SPEN: variants seen among roughly 807,000 people sequenced by gnomAD.
SPEN encodes msx2-interacting protein.
A neutral mutation model predicts 269.9 loss-of-function variants in SPEN; 18 were observed. The observed-to-expected ratio is 0.07, with a 90% CI of 0.05 to 0.10. The LOEUF (loss-of-function observed/expected upper bound fraction) is 0.10, where lower values mean the gene tolerates loss of function less well. Ranked by LOEUF, SPEN falls within the 10% of genes least tolerant of loss-of-function variation. SPEN has a pLI of 1.00. For synonymous variants in SPEN, 1,726 were observed against 1,765.7 expected, an observed-to-expected ratio of 0.98 and a Z score of 0.56; for missense variants, 3,822 against 4,631.2, an observed-to-expected ratio of 0.83 and a Z score of 5.07.
intron 3 of SPEN, among the ~76,000 whole-genome samples, chr1:15,896,630 G>A (rs1358185391): frequency 6.6e-6 from 1 of 152,154 alleles, no homozygotes; most frequent in Admixed American, 6.5e-5. Context: ...AATATTCAGA[G>A]GTGAAGTCTA....
chr1:15,932,350 C>T lies in SPEN; in HGVS notation c.6110C>T (p.Ala2037Val), dbSNP rs552953981. The change falls in exon 11 of 15, where the codon GCA becomes GTA. Residue 2037 changes from alanine (A) to valine (V), a missense_variant. Coordinates refer to ENST00000375759, the MANE Select transcript of SPEN (RefSeq NM_015001.3). The surrounding 1 kb of genome is among the most constrained non-coding windows in gnomAD (Gnocchi z 4.2). ...GAACCCAAGGCTGCTGAGGAGGAGG[C>T]AGGGAGTGAACAGAAACGTGACAGA... ...SMEPKAAEEE[A>V]GSEQKRDRKD... 1.9e-6 allele frequency: 3 copies of T among 1,613,902 alleles called. No homozygotes were observed. The highest frequency in any genetic ancestry group is 2.5e-6 in the Non-Finnish European group (3 of 1,180,028).
In SPEN at chr1:15,848,203, C is replaced by T. The variant is rs1286672003; in HGVS notation, c.83+53C>T. On this transcript the variant is annotated intron_variant, in intron 1 of 14. Coordinates refer to ENST00000375759, the MANE Select transcript of SPEN (RefSeq NM_015001.3). The surrounding 1 kb of genome is among the most constrained non-coding windows in gnomAD (Gnocchi z 5.1). ...CTCGCTCCTCGGGCGCCGCTTCCCG[C>T]CCCGGCCCGTTGCCGGCCCCTCCCG... 4 of 1,320,114 alleles carry T rather than the reference C, an allele frequency of 3.0e-6. No individual in the cohort carries two copies. Among genetic ancestry groups the T allele is most frequent in the South Asian group, 1.5e-5 (1 of 67,398 alleles). The allele number at this position is 1,320,114 out of a possible 1,614,324, so 81.8% of individuals were successfully genotyped here.
intron 3 of SPEN, among the ~76,000 whole-genome samples, chr1:15,902,588 T>C (rs138418081): frequency 1.3e-3 from 191 of 152,258 alleles, no homozygotes; most frequent in Middle Eastern, 6.8e-3. Flanking sequence ...GGTGGGAAGG[T>C]CGTTTGAGCC....
At chr1:15,921,659 T>G (rs1215597262) in intron 9 of SPEN, among the ~76,000 whole-genome samples, 1 of 152,226 alleles carries the variant, frequency 6.6e-6, no homozygotes, top group African/African-American at 2.4e-5. Flanking sequence ...CTTTCTTTCC[T>G]TTCCTACTCT....
At position 15,876,616 on chromosome 1, in the gene SPEN, C is replaced by T. The variant is rs2070633555; in HGVS notation, c.819C>T (p.Gly273=). 6.2e-7 allele frequency: 1 copy of T among 1,613,992 alleles called. No individual in the cohort carries two copies. Among genetic ancestry groups the T allele is most frequent in the Middle Eastern group, 1.6e-4 (1 of 6,062 alleles). ...SRPTRSPSGS[G]SRSRSSSSDS... The stretch of plus-strand genomic sequence containing the variant: ...CCACAAGGTCCCCTAGCGGCAGCGG[C>T]TCTAGAAGTAGATCCTCCAGTAGTG... Residue 273 remains glycine (G), a synonymous_variant, in exon 3 of 15, where the codon GGC becomes GGT. Transcript: ENST00000375759.
chr1:15,913,811 C>T (rs1466073251), intron 5 of SPEN, among the ~76,000 whole-genome samples: 2 of 151,916 alleles, frequency 1.3e-5, no homozygotes, highest in African/African-American at 2.4e-5. Flanking sequence ...AAGCTATGAT[C>T]CCACCACTGC....
intron 3 of SPEN, among the ~76,000 whole-genome samples, chr1:15,881,624 A>G (rs2070688279): frequency 6.6e-6 from 1 of 152,250 alleles, no homozygotes; most frequent in Admixed American, 6.5e-5. Flanking sequence ...GGATAAAGCA[A>G]AATTGATGTA....
At chr1:15,895,016 G>A (rs1378086876) in intron 3 of SPEN, among the ~76,000 whole-genome samples, 2 of 151,970 alleles carry the variant, frequency 1.3e-5, no homozygotes, top group African/African-American at 2.4e-5. Context: ...TCTGCCTCCC[G>A]GGTTCAAGCA....
At chr1:15,883,937 G>A (rs111724755) in intron 3 of SPEN, among the ~76,000 whole-genome samples, 5,248 of 150,982 alleles carry the variant, frequency 0.035, 299 homozygotes, top group African/African-American at 0.12. Context: ...AGCCTCCCGA[G>A]TAGCTGGGCC....
chr1:15,938,952 T>A, intron 14 of SPEN, 76 bp downstream of exon 14: 5 of 1,530,192 alleles, frequency 3.3e-6, no homozygotes, highest in Non-Finnish European at 4.4e-6. Flanking sequence ...CCTACTCATC[T>A]GGTGCCCACT....
In SPEN at chr1:15,932,701, C is replaced by G. The variant is rs750396773; in HGVS notation, c.6461C>G (p.Ser2154Cys). The change falls in exon 11 of 15, where the codon TCT (serine) becomes TGT (cysteine). Residue 2154 changes from serine to cysteine, a missense_variant. Transcript: ENST00000375759. This position sits in a 1 kb window ranked among gnomAD's most constrained non-coding sequence, Gnocchi z 4.2. ...PDKEPEKEDV[S>C]ASGPSPEATQ... ...AAGGAACCAGAGAAAGAAGACGTGT[C>G]TGCCTCTGGGCCGTCCCCAGAAGCC... 2.5e-6 allele frequency: 4 copies of G among 1,614,214 alleles called. No homozygotes were observed. Among genetic ancestry groups the G allele is most frequent in the Non-Finnish European group, 2.5e-6 (3 of 1,180,046 alleles).
chr1:15,858,850 G>C (rs565020753), intron 1 of SPEN, among the ~76,000 whole-genome samples: 20 of 152,268 alleles, frequency 1.3e-4, no homozygotes, highest in African/African-American at 4.6e-4. Context: ...AGGCTGAGGT[G>C]GGAGGATCAC....
chr1:15,933,320 C>T lies in SPEN; in HGVS notation c.7080C>T (p.Asn2360=). 6.2e-7 allele frequency: 1 copy of T among 1,614,100 alleles called. No individual in the cohort carries two copies. The highest frequency in any genetic ancestry group is 8.5e-7 in the Non-Finnish European group (1 of 1,180,028). The change falls in exon 11 of 15, where the codon AAC becomes AAT. Residue 2360 remains asparagine, a synonymous_variant. Transcript: ENST00000375759. This position sits in a 1 kb window ranked among gnomAD's most constrained non-coding sequence, Gnocchi z 5.7. ...TAGAGAGCCATGTCCCTGAATCCAA[C>T]CAAGCTCAAGGTGAGAGTCCTGCTG... ...APVESHVPES[N]QAQGESPAAN...
chr1:15,906,773 CTTTTTTT>C (rs1229092780), intron 3 of SPEN, among the ~76,000 whole-genome samples: 989 of 96,524 alleles, frequency 0.01, 20 homozygotes, highest in African/African-American at 0.04. Flanking sequence ...ATGTTTTCAT[CTTTTTTT>C]TTTTTTTTTT....
At position 15,873,083 on chromosome 1, in the gene SPEN, T is replaced by C. The variant is rs201724026; in HGVS notation, c.351T>C (p.Gly117=). Residue 117 remains glycine (G), a synonymous_variant, in exon 2 of 15, where the codon GGT becomes GGC. Coordinates refer to ENST00000375759, the MANE Select transcript of SPEN (RefSeq NM_015001.3). ...GAGGTGGTGGAGGGCCTGCTTATGG[T>C]CCCCCACCGTCACTTCATGCACGAG... ...FRGGGGGPAY[G]PPPSLHAREG... 2.2e-5 allele frequency: 36 copies of C among 1,613,914 alleles called. No homozygotes were observed. In the East Asian group the frequency reaches 7.8e-4, roughly 35 times the overall value.
chr1:15,867,601 T>G (rs1015043233), intron 1 of SPEN, among the ~76,000 whole-genome samples: 8 of 152,154 alleles, frequency 5.3e-5, no homozygotes, highest in Admixed American at 1.3e-4. Flanking sequence ...GTATATTTGT[T>G]GTTGTTTTTT....
intron 3 of SPEN, among the ~76,000 whole-genome samples, chr1:15,904,598 G>C (rs2070937801): frequency 6.7e-6 from 1 of 149,614 alleles, no homozygotes; most frequent in Admixed American, 6.7e-5. Flanking sequence ...TCTATATCTT[G>C]TTTCAGAATT....
chr1:15,858,314 A>G (rs2070407532), intron 1 of SPEN, among the ~76,000 whole-genome samples: 1 of 151,150 alleles, frequency 6.6e-6, no homozygotes, highest in African/African-American at 2.4e-5. Context: ...CAAATTCACC[A>G]GTTAACATTT....
chr1:15,872,813 C>T lies in SPEN; in HGVS notation c.84-3C>T. 6 of 1,471,144 alleles carry T rather than the reference C, an allele frequency of 4.1e-6. No individual in the cohort carries two copies. Among genetic ancestry groups the T allele is most frequent in the Non-Finnish European group, 4.5e-6 (5 of 1,105,388 alleles). The allele number at this position is 1,471,144 out of a possible 1,614,324, so 91.1% of individuals were successfully genotyped here. On this transcript the variant is annotated splice_polypyrimidine_tract_variant and splice_region_variant and intron_variant, in intron 1 of 14. Transcript: ENST00000375759. ...GCAATAACGTTGACTTTATTTTTTC[C>T]AGATATGGCCGCGTGGAAAGTGTCA...
Sources: gnomAD v4.1 joint callset for allele counts (sites outside exome capture counted in the v4.1 genomes callset) on GRCh38, gnomAD v4.1.1 for gene constraint, Gnocchi (gnomAD v3.1) non-coding constraint, MANE v1.5 for transcripts, NCBI Gene and HGNC (gene_info 2026-07-23, HGNC 2026-07-21) for gene names.